The following EXOC6B variants were observed in gnomAD, a reference collection of about 807,000 sequenced individuals.
The protein encoded by EXOC6B is SEC15 homolog B.
In EXOC6B, 54 loss-of-function variants were observed where a neutral mutation model predicts 113.5. The observed-to-expected ratio is 0.48, with a 90% confidence interval of 0.38 to 0.60. The LOEUF is 0.60. EXOC6B is among the 20% of genes least tolerant of loss of function. The pLI is 0.00. For synonymous variants in EXOC6B, 357 were observed against 339.0 expected (o/e 1.05, Z -0.58); for missense variants, 797 against 977.5 (o/e 0.82, Z 2.46).
intron 20 of EXOC6B, among the ~76,000 whole-genome samples, chr2:72,210,879 A>G (rs576098859): frequency 1.2e-4 from 19 of 152,206 alleles, no homozygotes; most frequent in Non-Finnish European, 2.1e-4. Context: ...CTTGGATATT[A>G]TGGCTGAGTT....
intron 7 of EXOC6B, among the ~76,000 whole-genome samples, chr2:72,560,997 A>G (rs1703856669): frequency 6.6e-6 from 1 of 152,080 alleles, no homozygotes; most frequent in Non-Finnish European, 1.5e-5. Flanking sequence ...CATCTTAATA[A>G]CACAAAGAGT....
chr2:72,184,408 C>T (rs1678287133), intron 20 of EXOC6B, among the ~76,000 whole-genome samples: 2 of 152,210 alleles, frequency 1.3e-5, no homozygotes, highest in Non-Finnish European at 2.9e-5. Flanking sequence ...AGTATGGAAA[C>T]ATTGCTAAGA....
chr2:72,234,582 G>T (rs1681838051), intron 20 of EXOC6B, among the ~76,000 whole-genome samples: 1 of 152,080 alleles, frequency 6.6e-6, no homozygotes, highest in South Asian at 2.1e-4. Flanking sequence ...TTAAACTAAA[G>T]AGCTTCTGCA....
At chr2:72,257,932 T>C (rs1478363907) in intron 20 of EXOC6B, among the ~76,000 whole-genome samples, 3 of 152,154 alleles carry the variant, frequency 2.0e-5, no homozygotes, top group Non-Finnish European at 4.4e-5. Flanking sequence ...AGTCAAGTGC[T>C]AGGACTCTTC....
chr2:72,394,319 T>C (rs1481609274), intron 18 of EXOC6B, among the ~76,000 whole-genome samples: 1 of 152,154 alleles, frequency 6.6e-6, no homozygotes, highest in African/African-American at 2.4e-5. Flanking sequence ...GTGGAAAATG[T>C]ATTTCCTGTT....
intron 6 of EXOC6B, among the ~76,000 whole-genome samples, chr2:72,635,851 A>T (rs1171399468): frequency 6.6e-6 from 1 of 152,252 alleles, no homozygotes; most frequent in East Asian, 1.9e-4. Context: ...ATTATACACC[A>T]TGACCAAGTA....
At chr2:72,180,561 G>C (rs934714722) in intron 21 of EXOC6B, among the ~76,000 whole-genome samples, 4 of 152,226 alleles carry the variant, frequency 2.6e-5, no homozygotes, top group Admixed American at 2.6e-4. Context: ...GTCTTCACCA[G>C]AGTTGGGCCA....
intron 18 of EXOC6B, among the ~76,000 whole-genome samples, chr2:72,435,173 C>CT (rs1250021506): frequency 1.3e-5 from 2 of 152,174 alleles, no homozygotes; most frequent in African/African-American, 4.8e-5. Flanking sequence ...ACCCAGTAGT[C>CT]TTTCAGGAGC....
At chr2:72,470,564 C>T (rs1285354542) in intron 17 of EXOC6B, among the ~76,000 whole-genome samples, 3 of 152,012 alleles carry the variant, frequency 2.0e-5, no homozygotes, top group African/African-American at 2.4e-5. Flanking sequence ...TGTGCTGCAC[C>T]TATTAACTCG....
At chr2:72,636,221 A>C (rs1672804667) in intron 6 of EXOC6B, among the ~76,000 whole-genome samples, 1 of 151,542 alleles carries the variant, frequency 6.6e-6, no homozygotes, top group Non-Finnish European at 1.5e-5. Flanking sequence ...CCATGTATTA[A>C]ATATCTTTTA....
chr2:72,179,518 A>C (rs1677956039), intron 21 of EXOC6B, 57 bp from the exon 22 acceptor site: 1 of 1,605,986 alleles, frequency 6.2e-7, no homozygotes, highest in Admixed American at 1.7e-5. Context: ...TGGTGGAAGG[A>C]GAACCTGCAG....
At chr2:72,681,379 C>G (rs1010264962) in intron 6 of EXOC6B, among the ~76,000 whole-genome samples, 1 of 152,160 alleles carries the variant, frequency 6.6e-6, no homozygotes, top group Admixed American at 6.5e-5. Flanking sequence ...TGGTATCATA[C>G]TATAATCACT....
At chr2:72,248,687 A>G (rs1476765688) in intron 20 of EXOC6B, among the ~76,000 whole-genome samples, 1 of 152,258 alleles carries the variant, frequency 6.6e-6, no homozygotes, top group African/African-American at 2.4e-5. Flanking sequence ...TATTTGTAGA[A>G]TAAATGAAAA....
chr2:72,376,317 A>AT (rs1270094909), intron 19 of EXOC6B, among the ~76,000 whole-genome samples: 2 of 152,046 alleles, frequency 1.3e-5, no homozygotes, highest in African/African-American at 4.8e-5. Flanking sequence ...TTTGAAGGAT[A>AT]TTTTCACAAG....
At position 72,305,710 on chromosome 2, in the gene EXOC6B, A is replaced by G. The variant is rs184101859; in HGVS notation, c.2196+29237T>C. Among the ~76,000 whole-genome samples, 30 of 152,302 alleles carry G rather than the reference A, an allele frequency of 2.0e-4. 1 individual carries two copies. The highest frequency in any genetic ancestry group is 3.4e-3 in the Middle Eastern group (1 of 294). On this transcript the variant is annotated intron_variant, in intron 20 of 21. Transcript: ENST00000272427. ...GGACTTGTAATGATTAAATAGTTAT[A>G]TAAAGTTTCACTCTAATGTACTGTA...
At chr2:72,805,250 C>A (rs1481266816) in intron 1 of EXOC6B, among the ~76,000 whole-genome samples, 1 of 152,092 alleles carries the variant, frequency 6.6e-6, no homozygotes, top group East Asian at 1.9e-4. Flanking sequence ...ATTTCTTTTT[C>A]TTTTTTAGAA....
intron 20 of EXOC6B, among the ~76,000 whole-genome samples, chr2:72,319,580 A>G (rs1687730555): frequency 6.6e-6 from 1 of 152,258 alleles, no homozygotes; most frequent in Non-Finnish European, 1.5e-5. Context: ...AACCAATTGT[A>G]TATTTCTATA....
At chr2:72,697,534 A>C (rs1410138857) in intron 6 of EXOC6B, among the ~76,000 whole-genome samples, 2 of 151,938 alleles carry the variant, frequency 1.3e-5, no homozygotes, top group Non-Finnish European at 2.9e-5. Flanking sequence ...AAATACAAAA[A>C]TTAGCCGGGC....
At chr2:72,780,790 G>A (rs1263760789) in intron 1 of EXOC6B, among the ~76,000 whole-genome samples, 2 of 152,136 alleles carry the variant, frequency 1.3e-5, no homozygotes, top group Non-Finnish European at 2.9e-5. Flanking sequence ...TTCAACAGCA[G>A]CTATACCAAT....
Sources: gnomAD v4.1 joint callset for allele counts (sites outside exome capture counted in the v4.1 genomes callset) on GRCh38, gnomAD v4.1.1 for gene constraint, MANE v1.5 for transcripts, NCBI Gene and HGNC (gene_info 2026-07-23, HGNC 2026-07-21) for gene names.